The following MTBP variants were observed in gnomAD, a reference collection of about 807,000 sequenced individuals.
The protein encoded by MTBP is mdm2-binding protein.
MTBP carries 101 observed loss-of-function variants against 117.0 expected under a neutral mutation model. That is an observed-to-expected ratio of 0.86 (90% CI 0.73 to 1.02). The LOEUF (loss-of-function observed/expected upper bound fraction) is 1.02, where lower values mean the gene tolerates loss of function less well. Ranked by LOEUF, MTBP falls within the 50% of genes least tolerant of loss-of-function variation. The probability of loss-of-function intolerance (pLI) is 0.00; values close to 1 mark genes in which losing one functional copy is unlikely to be tolerated. For missense variants in MTBP, 970 were observed against 1,030.9 expected, an observed-to-expected ratio of 0.94 and a Z score of 0.81; for synonymous variants, 350 against 351.5, an observed-to-expected ratio of 1.00 and a Z score of 0.05.
chr8:120,512,652 T>A (rs12548210), intron 17 of MTBP, among the ~76,000 whole-genome samples: 83,452 of 151,904 alleles, frequency 0.55, 25,341 homozygotes, highest in Non-Finnish European at 0.67. Context: ...GTAAAAAGTA[T>A]TTCTCTTCTC....
At chr8:120,499,153 T>G (rs1814529607) in intron 14 of MTBP, among the ~76,000 whole-genome samples, 1 of 152,204 alleles carries the variant, frequency 6.6e-6, no homozygotes, top group Non-Finnish European at 1.5e-5. Flanking sequence ...GGCTTCATAC[T>G]TATTCTAGTA....
chr8:120,481,165 T>C (rs1030731132), intron 11 of MTBP, among the ~76,000 whole-genome samples: 5 of 152,168 alleles, frequency 3.3e-5, no homozygotes, highest in Non-Finnish European at 7.3e-5. Flanking sequence ...ATGGCTGTAA[T>C]TGAAAACAGT....
intron 11 of MTBP, among the ~76,000 whole-genome samples, chr8:120,476,667 A>G (rs1813947512): frequency 6.6e-6 from 1 of 152,200 alleles, no homozygotes; most frequent in East Asian, 1.9e-4. Context: ...TACAAAGAGA[A>G]TAAAATACCT....
At chr8:120,483,791 G>C (rs1814149571) in intron 11 of MTBP, among the ~76,000 whole-genome samples, 1 of 152,108 alleles carries the variant, frequency 6.6e-6, no homozygotes, top group Non-Finnish European at 1.5e-5. Flanking sequence ...GGGCATACAA[G>C]CCAACACCTT....
chr8:120,468,778 G>A (rs1222518478), intron 10 of MTBP, among the ~76,000 whole-genome samples: 1 of 152,144 alleles, frequency 6.6e-6, no homozygotes, highest in East Asian at 1.9e-4. Context: ...TCAAAAAGCT[G>A]TCATGGATCA....
chr8:120,487,641 C>A (rs138913680), intron 11 of MTBP, among the ~76,000 whole-genome samples: 2 of 152,312 alleles, frequency 1.3e-5, no homozygotes, highest in Non-Finnish European at 2.9e-5. Flanking sequence ...ATATACTAGA[C>A]GCTGTCTTAA....
chr8:120,495,720 T>C (rs4442180), intron 13 of MTBP, among the ~76,000 whole-genome samples: 144,781 of 152,058 alleles, frequency 0.95, 68,941 homozygotes, highest in East Asian at 1. Flanking sequence ...AATTTGATGT[T>C]TCGTGTGCTT....
chr8:120,465,965 A>G (rs1157493754), intron 10 of MTBP, among the ~76,000 whole-genome samples: 2 of 152,030 alleles, frequency 1.3e-5, no homozygotes, highest in Non-Finnish European at 2.9e-5. Flanking sequence ...ATGTTTAATA[A>G]TATATTTTCA....
At position 120,488,205 on chromosome 8, in the gene MTBP, G is replaced by A. The variant is rs1433824189; in HGVS notation, c.1212G>A (p.Leu404=). 1.8e-5 allele frequency: 28 copies of A among 1,593,774 alleles called. No individual in the cohort carries two copies. The highest frequency in any genetic ancestry group is 2.3e-5 in the Non-Finnish European group (27 of 1,173,020). The change falls in exon 12 of 22, where the codon TTG becomes TTA. Residue 404 remains leucine (L), a synonymous_variant. Coordinates refer to ENST00000305949, the MANE Select transcript of MTBP (RefSeq NM_022045.5). Reference sequence around the variant, plus strand: ...GAGAGTGTTCTAGCTATTATCTCTTGTTACAAGGTAATGGCAATAGAAGAT... The same window carrying A: ...GAGAGTGTTCTAGCTATTATCTCTTATTACAAGGTAATGGCAATAGAAGAT... ...VKGECSSYYL[L]LQGNGNRRCK...
At position 120,488,331 on chromosome 8, in the gene MTBP, GAGTA is replaced by G; in HGVS notation, c.1339+3_1339+6del. 1 of 1,536,382 alleles carries G rather than the reference GAGTA, an allele frequency of 6.5e-7. No homozygotes were observed. Among genetic ancestry groups the G allele is most frequent in the Non-Finnish European group, 8.7e-7 (1 of 1,148,042 alleles). On this transcript the variant is annotated splice_donor_variant and splice_donor_region_variant and coding_sequence_variant and intron_variant, in exon 12 of 22. Transcript: ENST00000305949. LOFTEE classifies it high-confidence loss of function. The stretch of plus-strand genomic sequence containing the variant: ...AAACAAAGACAGAAGAAGCCAAATT[GAGTA>G]AGTGTTAACTTCAGGTAGAAAAACA...
At chr8:120,456,963 G>A (rs1355863919) in intron 7 of MTBP, among the ~76,000 whole-genome samples, 4 of 152,060 alleles carry the variant, frequency 2.6e-5, no homozygotes, top group Admixed American at 6.5e-5. Flanking sequence ...TTCAAGTGCT[G>A]TTTCCAGAAT....
intron 13 of MTBP, among the ~76,000 whole-genome samples, chr8:120,495,039 T>C (rs1410476977): frequency 1.3e-5 from 2 of 152,192 alleles, no homozygotes; most frequent in Admixed American, 6.5e-5. Flanking sequence ...CTTTCCTCTT[T>C]TCTTCTTTCA....
intron 12 of MTBP, among the ~76,000 whole-genome samples, 197 bp downstream of exon 12, chr8:120,488,529 G>A (rs1448639099): frequency 2.6e-5 from 4 of 152,076 alleles, no homozygotes; most frequent in African/African-American, 7.2e-5. Context: ...AGAGCAAATT[G>A]CTTTTACATT....
intron 13 of MTBP, among the ~76,000 whole-genome samples, chr8:120,495,606 A>G (rs1814436802): frequency 6.6e-6 from 1 of 151,942 alleles, no homozygotes; most frequent in African/African-American, 2.4e-5. Flanking sequence ...TTTTCTGGAC[A>G]GAATGCCTGA....
intron 17 of MTBP, 102 bp from the exon 18 acceptor site, chr8:120,515,823 C>A: frequency 9.1e-7 from 1 of 1,100,438 alleles, no homozygotes; most frequent in Non-Finnish European, 1.3e-6. Context: ...GGAAATTAAA[C>A]AAGAACTCTT....
intron 7 of MTBP, 151 bp from the exon 8 acceptor site, chr8:120,459,064 C>A: frequency 1.6e-6 from 1 of 616,406 alleles, no homozygotes; most frequent in Non-Finnish European, 2.6e-6. Flanking sequence ...AGGATGTGTA[C>A]CTAAATGTGA....
intron 15 of MTBP, among the ~76,000 whole-genome samples, chr8:120,502,986 C>T (rs775038001): frequency 2.0e-5 from 3 of 152,216 alleles, no homozygotes; most frequent in Non-Finnish European, 4.4e-5. Flanking sequence ...TCCTGTTTTA[C>T]ATTCATATAT....
rs1222084807 is a variant in MTBP at position 120,461,220 on chromosome 8, A to G, written c.942A>G (p.Leu314=). 2 of 1,604,988 alleles carry G rather than the reference A, an allele frequency of 1.2e-6. No individual in the cohort carries two copies. The highest frequency in any genetic ancestry group is 1.3e-5 in the African/African-American group (1 of 74,692). Residue 314 remains leucine (L), a synonymous_variant, in exon 9 of 22, where the codon CTA becomes CTG. Coordinates refer to ENST00000305949, the MANE Select transcript of MTBP (RefSeq NM_022045.5). ...TGCAGATGATAAAATTATCAGATCT[A>G]CCCTCCTGCTATATGTCGGATATTG... ...EFVQMIKLSD[L]PSCYMSDIEF... is the part of the protein sequence containing the mutation.
chr8:120,459,473 A>G (rs1813540301), intron 8 of MTBP, 124 bp downstream of exon 8: 19 of 912,412 alleles, frequency 2.1e-5, no homozygotes, highest in Non-Finnish European at 3.0e-5. Flanking sequence ...CATAATTTTT[A>G]ATATAATTAA....
Sources: allele counts gnomAD v4.1 joint callset (sites outside exome capture counted in the v4.1 genomes callset), GRCh38; gene constraint gnomAD v4.1.1; transcripts MANE v1.5; gene names NCBI Gene and HGNC (gene_info 2026-07-23, HGNC 2026-07-21).